COL24A1: variants seen among roughly 807,000 people sequenced by gnomAD.
The protein encoded by COL24A1 is collagen alpha-1(XXIV) chain.
In COL24A1, 224 loss-of-function variants were observed where a neutral mutation model predicts 253.9. That is an observed-to-expected ratio of 0.88 (90% CI 0.79 to 0.99). COL24A1 has a LOEUF of 0.99. Among genes scored for constraint, COL24A1 ranks in the 50% least tolerant of loss-of-function variants. The pLI is 0.00. For missense variants in COL24A1, 2,131 were observed against 2,068.5 expected (o/e 1.03, Z -0.59); for synonymous variants, 685 against 673.7 (o/e 1.02, Z -0.26).
chr1:85,744,004 T>A (rs1327030798), intron 57 of COL24A1, among the ~76,000 whole-genome samples: 1 of 152,160 alleles, frequency 6.6e-6, no homozygotes, highest in Non-Finnish European at 1.5e-5. Context: ...ATTTTTCACA[T>A]CAGCACTTTT....
At chr1:85,821,690 C>A (rs1383003015) in intron 45 of COL24A1, among the ~76,000 whole-genome samples, 2 of 152,126 alleles carry the variant, frequency 1.3e-5, no homozygotes, top group Non-Finnish European at 2.9e-5. Context: ...CAGGGAAGAA[C>A]TAGCTTGCCT....
rs539894446 is a variant in COL24A1, at chr1:86,001,270, C to A, written c.2311-13616G>T. On this transcript the variant is annotated intron_variant, in intron 19 of 59. Transcript: ENST00000370571. ...TGCTCAGCTGGTCTTTAATGATGAA[C>A]AGTTCTCTTCAATGCCAATGGCAAA... Among the ~76,000 whole-genome samples, 20 of 152,326 alleles carry A rather than the reference C, an allele frequency of 1.3e-4. No homozygotes were observed. In the East Asian group the frequency reaches 3.9e-3, roughly 29 times the overall value.
intron 43 of COL24A1, among the ~76,000 whole-genome samples, chr1:85,825,285 G>A (rs1674153084): frequency 6.6e-6 from 1 of 151,992 alleles, no homozygotes. Flanking sequence ...AGTATTCCAT[G>A]GTGTATATGA....
intron 10 of COL24A1, among the ~76,000 whole-genome samples, chr1:86,053,892 T>A (rs562648737): frequency 6.6e-6 from 1 of 152,118 alleles, no homozygotes; most frequent in Non-Finnish European, 1.5e-5. Context: ...GGACACAAAT[T>A]AAGTGAAAAA....
intron 32 of COL24A1, among the ~76,000 whole-genome samples, chr1:85,886,997 G>GA (rs2102714940): frequency 6.6e-6 from 1 of 152,214 alleles, no homozygotes; most frequent in South Asian, 2.1e-4. Context: ...ATCTAATGAG[G>GA]AACTGAGTGA....
Position 85,729,893 on chromosome 1 carries a change from CCAAA to C in COL24A1, c.*649_*652del, listed in dbSNP as rs1244783168. The C allele has an allele frequency of 5.9e-5, 9 of 152,458 alleles. No individual in the cohort carries two copies. Among genetic ancestry groups the C allele is most frequent in the Non-Finnish European group, 1.2e-4 (8 of 68,008 alleles). The allele number at this position is 152,458 out of a possible 1,614,324, so 9.4% of individuals were successfully genotyped here. ...GTTTCACGTGTTATTAAGTGTGTGA[CCAAA>C]CAAATTAAAATAAGTACTAACAACC... On this transcript the variant is annotated 3_prime_UTR_variant, in exon 60 of 60. Transcript: ENST00000370571.
At chr1:85,867,428 T>C (rs529935049) in intron 37 of COL24A1, among the ~76,000 whole-genome samples, 1 of 152,336 alleles carries the variant, frequency 6.6e-6, no homozygotes, top group Non-Finnish European at 1.5e-5. Context: ...TGTTTTCTCT[T>C]GGGGAAGAGA....
intron 5 of COL24A1, among the ~76,000 whole-genome samples, chr1:86,101,029 T>G (rs888525110): frequency 6.6e-6 from 1 of 151,986 alleles, no homozygotes; most frequent in African/African-American, 2.4e-5. Flanking sequence ...GCTTGCAGTT[T>G]GTCCAAGCAG....
chr1:85,851,409 ACT>A (rs1350163164), intron 37 of COL24A1, among the ~76,000 whole-genome samples: 1 of 151,960 alleles, frequency 6.6e-6, no homozygotes, highest in Non-Finnish European at 1.5e-5. Flanking sequence ...TGGAATAAAC[ACT>A]CTGTACTTGT....
intron 24 of COL24A1, among the ~76,000 whole-genome samples, chr1:85,937,868 C>T (rs998822926): frequency 6.8e-6 from 1 of 147,364 alleles, no homozygotes; most frequent in African/African-American, 2.5e-5. Flanking sequence ...CACACTGAGG[C>T]CTCAATTAGT....
At chr1:86,103,084 T>G (rs956029113) in intron 5 of COL24A1, among the ~76,000 whole-genome samples, 1 of 152,220 alleles carries the variant, frequency 6.6e-6, no homozygotes, top group African/African-American at 2.4e-5. Flanking sequence ...GCATATATAT[T>G]TAGAAAAGTT....
intron 48 of COL24A1, among the ~76,000 whole-genome samples, chr1:85,784,629 C>A (rs1205925979): frequency 2.0e-5 from 3 of 151,964 alleles, no homozygotes; most frequent in Admixed American, 2.0e-4. Context: ...GAAGGGGGAA[C>A]CTATAAAACT....
At chr1:85,811,275 G>A (rs542936186) in intron 47 of COL24A1, among the ~76,000 whole-genome samples, 38 of 152,168 alleles carry the variant, frequency 2.5e-4, no homozygotes, top group Middle Eastern at 6.8e-3. Context: ...ATGCTGCTAC[G>A]AACATTGGTG....
At chr1:85,964,117 T>G (rs936510363) in intron 23 of COL24A1, among the ~76,000 whole-genome samples, 1 of 152,118 alleles carries the variant, frequency 6.6e-6, no homozygotes, top group African/African-American at 2.4e-5. Flanking sequence ...AAATGATACA[T>G]TTAATACAAA....
chr1:85,961,334 T>C (rs1325039070), intron 23 of COL24A1, 41 bp from the exon 24 acceptor site: 16 of 1,433,256 alleles, frequency 1.1e-5, no homozygotes, highest in Non-Finnish European at 1.4e-5. Context: ...CAGTTATTTT[T>C]CAAACTAGAT....
chr1:85,744,626 T>G, intron 57 of COL24A1, 40 bp downstream of exon 57: 1 of 1,496,940 alleles, frequency 6.7e-7, no homozygotes, highest in Non-Finnish European at 9.2e-7. Context: ...AATGATGAAA[T>G]GAAATTCACT....
At chr1:86,108,684 G>A (rs1313541705) in intron 5 of COL24A1, among the ~76,000 whole-genome samples, 1 of 147,258 alleles carries the variant, frequency 6.8e-6, no homozygotes, top group Non-Finnish European at 1.5e-5. Flanking sequence ...GCACATGCCT[G>A]TAACCCCAGC....
intron 57 of COL24A1, among the ~76,000 whole-genome samples, chr1:85,740,022 C>T (rs999315641): frequency 6.6e-6 from 1 of 152,124 alleles, no homozygotes; most frequent in Non-Finnish European, 1.5e-5. Context: ...TCCCTTCTTA[C>T]CCAGCTTAAA....
At chr1:86,117,219 G>A (rs754352044) in intron 3 of COL24A1, among the ~76,000 whole-genome samples, 1 of 152,148 alleles carries the variant, frequency 6.6e-6, no homozygotes, top group African/African-American at 2.4e-5. Context: ...CCCAAAATTC[G>A]TATGTTGAAA....
Sources: gnomAD v4.1 joint callset for allele counts (sites outside exome capture counted in the v4.1 genomes callset) on GRCh38, gnomAD v4.1.1 for gene constraint, MANE v1.5 for transcripts, NCBI Gene and HGNC (gene_info 2026-07-23, HGNC 2026-07-21) for gene names.